Variants in ZSCAN25 observed in about 807,000 individuals in gnomAD.
The protein encoded by ZSCAN25 is zinc finger and SCAN domain-containing protein 25.
Under a neutral mutation model 38.7 loss-of-function variants are expected in ZSCAN25, and 27 were observed. That is an observed-to-expected ratio of 0.70 (90% CI 0.51 to 0.96). The LOEUF (loss-of-function observed/expected upper bound fraction) is 0.96. ZSCAN25 is among the 40% of genes least tolerant of loss of function. ZSCAN25 has a pLI of 0.00. For missense variants in ZSCAN25, 637 were observed against 705.9 expected, an observed-to-expected ratio of 0.90 and a Z score of 1.11; for synonymous variants, 273 against 277.7, an observed-to-expected ratio of 0.98 and a Z score of 0.17.
the ZSCAN25 span, chr7:99,679,709 C>A: frequency 3.0e-5 from 28 of 941,938 alleles, no homozygotes; most frequent in African/African-American, 4.1e-4. Flanking sequence ...GCGTCCAACA[C>A]TTCAGCTACT....
chr7:99,717,105 G>C, the ZSCAN25 span: 2 of 1,596,858 alleles, frequency 1.3e-6, no homozygotes, highest in Non-Finnish European at 1.7e-6. Flanking sequence ...AACAGCGGGA[G>C]TATCAGCTCC....
chr7:99,673,939 A>G, the ZSCAN25 span, among the ~76,000 whole-genome samples: 5 of 152,254 alleles, frequency 3.3e-5, no homozygotes, highest in Admixed American at 1.3e-4. Flanking sequence ...CTGGTGACAC[A>G]TGGGATCCTT....
At chr7:99,707,264 T>C in the ZSCAN25 span, among the ~76,000 whole-genome samples, 1 of 152,160 alleles carries the variant, frequency 6.6e-6, no homozygotes, top group Non-Finnish European at 1.5e-5. Flanking sequence ...TACCTTAAAT[T>C]AGTCATTTTC....
chr7:99,621,561 C>A lies in ZSCAN25; in HGVS notation c.576C>A (p.Ala192=). Residue 192 remains alanine, a synonymous_variant, in exon 5 of 8, where the codon GCC becomes GCA. Coordinates refer to ENST00000394152, the MANE Select transcript of ZSCAN25 (RefSeq NM_145115.3). ...LSQDPGDETR[A]FQEQALPVLQ... ...AGGACCCTGGAGATGAGACACGGGC[C>A]TTCCAGGAGCAAGGTGAGTAAGACG... 1.4e-6 allele frequency: 2 copies of A among 1,465,648 alleles called. No homozygotes were observed. Among genetic ancestry groups the A allele is most frequent in the South Asian group, 1.4e-5 (1 of 69,976 alleles). The allele number at this position is 1,465,648 out of a possible 1,614,324, so 90.8% of individuals were successfully genotyped here. A position where few individuals can be genotyped will look rare whatever the true frequency, so the allele number is the denominator to read the frequency against.
intron 4 of ZSCAN25, 145 bp downstream of exon 4, chr7:99,620,138 G>A: frequency 1.6e-6 from 2 of 1,224,480 alleles, no homozygotes; most frequent in Non-Finnish European, 2.2e-6. Flanking sequence ...TCTTTTTGGA[G>A]AGCAGTGGCG....
chr7:99,716,301 A>ACATT, the ZSCAN25 span, among the ~76,000 whole-genome samples: 2 of 152,170 alleles, frequency 1.3e-5, no homozygotes, highest in African/African-American at 4.8e-5. Context: ...AAGACAGGTG[A>ACATT]CATTGCCTGA....
At chr7:99,706,783 A>G in the ZSCAN25 span, among the ~76,000 whole-genome samples, 1 of 152,248 alleles carries the variant, frequency 6.6e-6, no homozygotes, top group Non-Finnish European at 1.5e-5. Flanking sequence ...TAATATTTGT[A>G]TGCAAACCAA....
chr7:99,700,092 G>A, the ZSCAN25 span: 1 of 1,257,108 alleles, frequency 8.0e-7, no homozygotes. Flanking sequence ...GTGTGCTGTT[G>A]TTTGCTGGGC....
intron 7 of ZSCAN25, 200 bp downstream of exon 7, chr7:99,624,380 T>C (rs1421500766): frequency 1.6e-6 from 1 of 616,932 alleles, no homozygotes. Flanking sequence ...CAGGAAAACA[T>C]GAGGCCATTA....
At chr7:99,711,456 T>C in the ZSCAN25 span, among the ~76,000 whole-genome samples, 3 of 152,166 alleles carry the variant, frequency 2.0e-5, no homozygotes, top group African/African-American at 4.8e-5. Context: ...CCGTGGATCA[T>C]AAGCATCTGT....
At chr7:99,647,928 CTA>C in the ZSCAN25 span, 1 of 982,576 alleles carries the variant, frequency 1.0e-6, no homozygotes, top group Non-Finnish European at 1.2e-6. Context: ...ATAAATGTCA[CTA>C]TTAGAGTCAT....
the ZSCAN25 span, among the ~76,000 whole-genome samples, chr7:99,704,090 A>G: frequency 2.0e-5 from 3 of 152,162 alleles, no homozygotes; most frequent in Admixed American, 6.5e-5. Flanking sequence ...TGTCCAATCA[A>G]TTGACCAATC....
chr7:99,648,523 C>T, the ZSCAN25 span: 3 of 668,492 alleles, frequency 4.5e-6, no homozygotes, highest in Non-Finnish European at 7.5e-6. Flanking sequence ...CTCTTAACAC[C>T]ATGTATCTTG....
the ZSCAN25 span, among the ~76,000 whole-genome samples, chr7:99,715,092 A>T: frequency 6.6e-6 from 1 of 152,240 alleles, no homozygotes; most frequent in Non-Finnish European, 1.5e-5. Flanking sequence ...GATAAAGCTA[A>T]AATCAATAAG....
At chr7:99,648,517 T>G in the ZSCAN25 span, 1 of 680,720 alleles carries the variant, frequency 1.5e-6, no homozygotes, top group Non-Finnish European at 2.4e-6. Flanking sequence ...AAACGACTCT[T>G]AACACCATGT....
intron 7 of ZSCAN25, 151 bp downstream of exon 7, chr7:99,624,331 G>A: frequency 1.2e-6 from 1 of 867,582 alleles, no homozygotes; most frequent in Non-Finnish European, 1.8e-6. Flanking sequence ...GGCACGAGGA[G>A]CTGCTTTCCT....
At chr7:99,669,906 G>A in the ZSCAN25 span, among the ~76,000 whole-genome samples, 2 of 152,148 alleles carry the variant, frequency 1.3e-5, no homozygotes, top group East Asian at 1.9e-4. Context: ...AATAGATGAT[G>A]CAGTTGCCAC....
chr7:99,680,522 T>A, the ZSCAN25 span, among the ~76,000 whole-genome samples: 1 of 152,204 alleles, frequency 6.6e-6, no homozygotes, highest in Non-Finnish European at 1.5e-5. Context: ...TATGCCTGTT[T>A]CCCTTAGCAG....
At chr7:99,619,475 T>TTAC (rs1448547919) in intron 3 of ZSCAN25, 86 bp from the exon 4 acceptor site, 2 of 1,110,108 alleles carry the variant, frequency 1.8e-6, no homozygotes, top group Non-Finnish European at 2.6e-6. Flanking sequence ...TAAAAGGTAA[T>TTAC]TACTGTGTTC....
Sources: gnomAD v4.1 joint callset for allele counts (sites outside exome capture counted in the v4.1 genomes callset) on GRCh38, gnomAD v4.1.1 for gene constraint, MANE v1.5 for transcripts, NCBI Gene and HGNC (gene_info 2026-07-23, HGNC 2026-07-21) for gene names.